Variants in C20orf202 observed in about 807,000 individuals in gnomAD.
The protein encoded by C20orf202 is uncharacterized protein C20orf202.
Under a neutral mutation model 5.3 loss-of-function variants are expected in C20orf202, and 5 were observed. That is an observed-to-expected ratio of 0.94 (90% CI 0.49 to 1.98). The LOEUF (loss-of-function observed/expected upper bound fraction) is 1.98, where lower values mean the gene tolerates loss of function less well. Ranked by LOEUF, C20orf202 falls within the 30% of genes most tolerant of loss-of-function variation. C20orf202 has a pLI of 0.01. For missense variants in C20orf202, 135 were observed against 123.5 expected (o/e 1.09, Z -0.44); for synonymous variants, 48 against 50.0 (o/e 0.96, Z 0.16).
chr20:1,203,701 A>G, intron 1 of C20orf202, 50 bp downstream of exon 1: 2 of 1,513,150 alleles, frequency 1.3e-6, no homozygotes, highest in Non-Finnish European at 1.8e-6. Flanking sequence ...ATATTTTCCA[A>G]AGATCTCTGG....
chr20:1,205,079 C>T (rs2087125840), intron 1 of C20orf202, among the ~76,000 whole-genome samples: 1 of 151,512 alleles, frequency 6.6e-6, no homozygotes, highest in African/African-American at 2.4e-5. Context: ...TGAGGGAGGC[C>T]GACTACACCT....
rs1171745595 is a variant in C20orf202, at chr20:1,207,389, G to C, written c.*287G>C. ...GCTCTAGTGCTCTGGCAAGCACCAT[G>C]GCAGTAACCCTATCCTTGGGAATTT... On this transcript the variant is annotated 3_prime_UTR_variant, in exon 2 of 2. Transcript: ENST00000400633. The C allele has an allele frequency of 9.8e-6, 3 of 306,196 alleles. No individual in the cohort carries two copies. Among genetic ancestry groups the C allele is most frequent in the Non-Finnish European group, 6.0e-6 (1 of 167,104 alleles). The allele number at this position is 306,196 out of a possible 1,614,324, so 19.0% of individuals were successfully genotyped here.
chr20:1,206,766 A>G, intron 1 of C20orf202, 103 bp from the exon 2 acceptor site: 1 of 707,626 alleles, frequency 1.4e-6, no homozygotes, highest in Non-Finnish European at 2.2e-6. Flanking sequence ...GGCTGTGCGA[A>G]TCACAAGTGG....
intron 1 of C20orf202, among the ~76,000 whole-genome samples, chr20:1,205,983 C>T (rs1600202937): frequency 6.6e-6 from 1 of 151,952 alleles, no homozygotes; most frequent in East Asian, 1.9e-4. Flanking sequence ...AACCCAGGAG[C>T]TCGAGGCTGC....
At chr20:1,205,813 C>T (rs1297271655) in intron 1 of C20orf202, among the ~76,000 whole-genome samples, 4 of 152,094 alleles carry the variant, frequency 2.6e-5, no homozygotes, top group Non-Finnish European at 4.4e-5. Context: ...AAAGAGAAAG[C>T]GAACTTTGGG....
chr20:1,205,174 C>T (rs941940103), intron 1 of C20orf202, among the ~76,000 whole-genome samples: 9 of 150,632 alleles, frequency 6.0e-5, no homozygotes, highest in African/African-American at 1.5e-4. Flanking sequence ...GGCACGATCT[C>T]GGCTCACTAC....
intron 1 of C20orf202, 80 bp downstream of exon 1, chr20:1,203,731 C>G: frequency 6.8e-7 from 1 of 1,465,382 alleles, no homozygotes; most frequent in Non-Finnish European, 9.1e-7. Flanking sequence ...CCGGGTCCCC[C>G]CTGGGGCAGA....
Position 1,207,124 on chromosome 20 carries a change from C to G in C20orf202, c.*22C>G, listed in dbSNP as rs1195513212. 5 of 1,394,974 alleles carry G rather than the reference C, an allele frequency of 3.6e-6. No homozygotes were observed. In the Admixed American group the frequency reaches 1.3e-4, roughly 35 times the overall value. The allele number at this position is 1,394,974 out of a possible 1,614,324, so 86.4% of individuals were successfully genotyped here. A position where few individuals can be genotyped will look rare whatever the true frequency, so the allele number is the denominator to read the frequency against. Reference sequence around the variant, plus strand: ...TTAACTGGACGGAGATGACACTGGGCTTTAACACTCTCCCCATTAGTCTAA... The same window carrying G: ...TTAACTGGACGGAGATGACACTGGGGTTTAACACTCTCCCCATTAGTCTAA... On this transcript the variant is annotated 3_prime_UTR_variant, in exon 2 of 2. Coordinates refer to ENST00000400633, the MANE Select transcript of C20orf202 (RefSeq NM_001394958.1).
At chr20:1,204,627 G>A (rs903621031) in intron 1 of C20orf202, among the ~76,000 whole-genome samples, 1 of 152,250 alleles carries the variant, frequency 6.6e-6, no homozygotes, top group Non-Finnish European at 1.5e-5. Flanking sequence ...GGGAACCTCA[G>A]AAGAGGTTTG....
Position 1,207,080 on chromosome 20 carries a change from G to A in C20orf202, c.278G>A (p.Ser93Asn). 1 of 1,511,526 alleles carries A rather than the reference G, an allele frequency of 6.6e-7. No individual in the cohort carries two copies. 93.6% of individuals were successfully genotyped at this position (1,511,526 alleles called of 1,614,324 possible). A position where few individuals can be genotyped will look rare whatever the true frequency, so the allele number is the denominator to read the frequency against. ...GCCCAGCTCCTCCGAGGGGAAGACA[G>A]CAGACGAAGCTCTCTCCCTTAACTG... The part of the protein sequence containing the change: ...GLAQLLRGED[S>N]RRSSLP The change falls in exon 2 of 2, where the codon AGC becomes AAC. Residue 93 changes from serine (S) to asparagine (N), a missense_variant. Ser to Asn is a conservative substitution (Grantham distance 46, BLOSUM62 1). Transcript: ENST00000400633.
rs16992496 is a variant in C20orf202 at position 1,204,260 on chromosome 20, G to A, written c.66+609G>A. 2.2e-3 allele frequency among the ~76,000 whole-genome samples: 338 copies of A among 152,210 alleles called. 9 individuals are homozygous for A. The East Asian group carries it at 0.053, about 24-fold the overall frequency. ...GGCCAATGCTATGCCAGGCAATTAC[G>A]CCAGACATTGTATTACCAAGCAGCC... On this transcript the variant is annotated intron_variant, in intron 1 of 1. Coordinates refer to ENST00000400633, the MANE Select transcript of C20orf202 (RefSeq NM_001394958.1).
At chr20:1,203,930 T>C (rs1387694463) in intron 1 of C20orf202, among the ~76,000 whole-genome samples, 1 of 152,168 alleles carries the variant, frequency 6.6e-6, no homozygotes, top group African/African-American at 2.4e-5. Flanking sequence ...TGTGTGGCTC[T>C]AGCAGGGGAT....
Position 1,208,177 on chromosome 20 carries a change from C to G in C20orf202, c.*1075C>G, listed in dbSNP as rs1008527401. ...AGGCTTGTGATACAGCAGAGACACTCAGTTGTGTGGGGTGCTGCAGTCATA... is the reference window on the plus strand; with the variant it reads ...AGGCTTGTGATACAGCAGAGACACTGAGTTGTGTGGGGTGCTGCAGTCATA... On this transcript the variant is annotated 3_prime_UTR_variant, in exon 2 of 2. Coordinates refer to ENST00000400633, the MANE Select transcript of C20orf202 (RefSeq NM_001394958.1). 6 of 152,158 alleles carry G rather than the reference C, an allele frequency of 3.9e-5. No individual in the cohort carries two copies. The highest frequency in any genetic ancestry group is 8.8e-5 in the Non-Finnish European group (6 of 68,022). 9.4% of individuals were successfully genotyped at this position (152,158 alleles called of 1,614,324 possible).
chr20:1,204,942 A>G (rs991795095), intron 1 of C20orf202, among the ~76,000 whole-genome samples: 16 of 152,146 alleles, frequency 1.1e-4, no homozygotes, highest in African/African-American at 3.6e-4. Flanking sequence ...TTGTAGGCGC[A>G]TACCCAGAAA....
At position 1,209,018 on chromosome 20, in the gene C20orf202, C is replaced by G. The variant is rs2087144482; in HGVS notation, c.*1916C>G. On this transcript the variant is annotated 3_prime_UTR_variant, in exon 2 of 2. Coordinates refer to ENST00000400633, the MANE Select transcript of C20orf202 (RefSeq NM_001394958.1). The surrounding 1 kb of genome is among the most constrained non-coding windows in gnomAD (Gnocchi z 4.0). The stretch of plus-strand genomic sequence containing the variant: ...GTTCTTTTTATAACCTTTCAGTCAC[C>G]CAGTTAACAACTTTATACCTAGTTA... 6.6e-6 allele frequency among the ~76,000 whole-genome samples: 1 copy of G among 152,134 alleles called. No individual in the cohort carries two copies. The highest frequency in any genetic ancestry group is 2.4e-5 in the African/African-American group (1 of 41,416).
At position 1,207,965 on chromosome 20, in the gene C20orf202, A is replaced by C. The variant is rs908113693; in HGVS notation, c.*863A>C. Reference sequence around the variant, plus strand: ...CCGAAGCCAGTCAATTTCACCCCCCAACACAGCCACACACATCAATTTGTT... The same window carrying C: ...CCGAAGCCAGTCAATTTCACCCCCCCACACAGCCACACACATCAATTTGTT... On this transcript the variant is annotated 3_prime_UTR_variant, in exon 2 of 2. Transcript: ENST00000400633. 2.6e-5 allele frequency: 4 copies of C among 152,200 alleles called. No individual in the cohort carries two copies. Among genetic ancestry groups the C allele is most frequent in the African/African-American group, 9.7e-5 (4 of 41,448 alleles). The allele number at this position is 152,200 out of a possible 1,614,324, so 9.4% of individuals were successfully genotyped here. A position where few individuals can be genotyped will look rare whatever the true frequency, so the allele number is the denominator to read the frequency against.
At chr20:1,204,908 C>T (rs982841280) in intron 1 of C20orf202, among the ~76,000 whole-genome samples, 2 of 152,182 alleles carry the variant, frequency 1.3e-5, no homozygotes, top group Non-Finnish European at 2.9e-5. Flanking sequence ...TCACCACCTC[C>T]GTGCTGGGAA....
intron 1 of C20orf202, among the ~76,000 whole-genome samples, 152 bp from the exon 2 acceptor site, chr20:1,206,717 A>G (rs1447162523): frequency 6.6e-6 from 1 of 152,258 alleles, no homozygotes; most frequent in Non-Finnish European, 1.5e-5. Flanking sequence ...TGCTTTGCAG[A>G]GCAAGAAACT....
At position 1,208,867 on chromosome 20, in the gene C20orf202, C is replaced by A. The variant is rs2087143967; in HGVS notation, c.*1765C>A. Among the ~76,000 whole-genome samples the A allele has an allele frequency of 6.6e-6, 1 of 152,180 alleles. No homozygotes were observed. Among genetic ancestry groups the A allele is most frequent in the African/African-American group, 2.4e-5 (1 of 41,440 alleles). ...CCCCAGCTGAGCTGAGTTCCTTTCTCAGATAGCTGAATTTAAACTCCAGGG... is the reference window on the plus strand; with the variant it reads ...CCCCAGCTGAGCTGAGTTCCTTTCTAAGATAGCTGAATTTAAACTCCAGGG... On this transcript the variant is annotated 3_prime_UTR_variant, in exon 2 of 2. Transcript: ENST00000400633.
Sources: allele counts gnomAD v4.1 joint callset (sites outside exome capture counted in the v4.1 genomes callset), GRCh38; gene constraint gnomAD v4.1.1; non-coding constraint Gnocchi (gnomAD v3.1); transcripts MANE v1.5; gene names NCBI Gene and HGNC (gene_info 2026-07-23, HGNC 2026-07-21).